Variants in WAC observed in about 807,000 individuals in gnomAD.
WAC encodes the protein WW domain containing adaptor with coiled-coil.
Under a neutral mutation model 79.6 loss-of-function variants are expected in WAC, and 11 were observed. That is an observed-to-expected ratio of 0.14 (90% confidence interval 0.09 to 0.23). The LOEUF (loss-of-function observed/expected upper bound fraction) is 0.23, where lower values mean the gene tolerates loss of function less well. Among genes scored for constraint, WAC ranks in the 10% least tolerant of loss-of-function variants. The probability of loss-of-function intolerance (pLI) is 1.00; values close to 1 mark genes in which losing one functional copy is unlikely to be tolerated. For missense variants in WAC, 728 were observed against 773.5 expected, an observed-to-expected ratio of 0.94 and a Z score of 0.70; for synonymous variants, 304 against 276.9, an observed-to-expected ratio of 1.10 and a Z score of -0.97.
chr10:28,617,351 G>C (rs1389136425), intron 12 of WAC, among the ~76,000 whole-genome samples: 2 of 152,108 alleles, frequency 1.3e-5, no homozygotes, highest in African/African-American at 4.8e-5. Flanking sequence ...CAATCTCTTT[G>C]GCTGACCCAG....
chr10:28,551,737 G>A (rs1837679196), intron 3 of WAC, among the ~76,000 whole-genome samples: 1 of 149,092 alleles, frequency 6.7e-6, no homozygotes, highest in African/African-American at 2.5e-5. Context: ...AATGTTTTGA[G>A]AATTGATGTC....
At chr10:28,575,348 TTTG>T (rs1839187673) in intron 3 of WAC, among the ~76,000 whole-genome samples, 1 of 152,214 alleles carries the variant, frequency 6.6e-6, no homozygotes, top group Non-Finnish European at 1.5e-5. Context: ...ATGATGTGCT[TTTG>T]TTCTTTTTTA....
chr10:28,576,922 G>GT (rs1297763933), intron 3 of WAC, among the ~76,000 whole-genome samples: 12 of 151,778 alleles, frequency 7.9e-5, no homozygotes, highest in Non-Finnish European at 1.8e-4. Context: ...TTTTGCATTT[G>GT]TTTTTTTACC....
intron 3 of WAC, among the ~76,000 whole-genome samples, chr10:28,577,081 A>G (rs936516823): frequency 4.6e-5 from 7 of 152,146 alleles, no homozygotes; most frequent in Non-Finnish European, 1.0e-4. Flanking sequence ...CCAGCTGTCA[A>G]ATTGTTGATA....
rs1405327992 is a variant in WAC, at chr10:28,620,421, CATTG to C, written c.*820_*823del. Reference sequence around the variant, plus strand: ...TGGACAGGCATGTGTGCTCAAAGTACATTGATTGCTCAAATATAAGGAAATGGCC... The same window carrying C: ...TGGACAGGCATGTGTGCTCAAAGTACATTGCTCAAATATAAGGAAATGGCC... On this transcript the variant is annotated 3_prime_UTR_variant, in exon 14 of 14. Coordinates refer to ENST00000354911, the MANE Select transcript of WAC (RefSeq NM_016628.5). 1 of 152,604 alleles carries C rather than the reference CATTG, an allele frequency of 6.6e-6. No individual in the cohort carries two copies. Among genetic ancestry groups the C allele is most frequent in the African/African-American group, 2.4e-5 (1 of 41,424 alleles). 9.5% of individuals were successfully genotyped at this position (152,604 alleles called of 1,614,324 possible). A position where few individuals can be genotyped will look rare whatever the true frequency, so the allele number is the denominator to read the frequency against.
intron 4 of WAC, among the ~76,000 whole-genome samples, chr10:28,585,809 A>G (rs902575840): frequency 1.3e-5 from 2 of 152,168 alleles, no homozygotes; most frequent in African/African-American, 2.4e-5. Context: ...CACAAATGCA[A>G]ACAAAACAAA....
rs564943044 is a variant in WAC at position 28,607,891 on chromosome 10, TAGAC to T, written c.920-291_920-288del. ...ATTATCTTTGAGATAGCATTGGTGG[TAGAC>T]AGATTGGTACTTTTCAAATCAGATA... On this transcript the variant is annotated intron_variant, in intron 7 of 13. Coordinates refer to ENST00000354911, the MANE Select transcript of WAC (RefSeq NM_016628.5). Among the ~76,000 whole-genome samples the T allele has an allele frequency of 5.3e-5, 8 of 152,368 alleles. No homozygotes were observed. In the East Asian group the frequency reaches 1.3e-3, roughly 26 times the overall value.
At chr10:28,555,942 A>G (rs1837954068) in intron 3 of WAC, among the ~76,000 whole-genome samples, 1 of 152,176 alleles carries the variant, frequency 6.6e-6, no homozygotes. Flanking sequence ...CAGTTATAGC[A>G]ACAGAAAACT....
chr10:28,569,022 A>C (rs1251450481), intron 3 of WAC, among the ~76,000 whole-genome samples: 2 of 152,234 alleles, frequency 1.3e-5, no homozygotes, highest in African/African-American at 4.8e-5. Flanking sequence ...GCTGTTAAAA[A>C]TGATGGTGTA....
At chr10:28,577,779 A>G (rs17389386) in intron 3 of WAC, among the ~76,000 whole-genome samples, 6,768 of 152,230 alleles carry the variant, frequency 0.044, 198 homozygotes, top group Non-Finnish European at 0.067. Context: ...AGTGTCCTCT[A>G]CCATTTGACT....
Position 28,619,518 on chromosome 10 carries a change from G to A in WAC, c.1875-19G>A, listed in dbSNP as rs1386219369. 3 of 1,555,454 alleles carry A rather than the reference G, an allele frequency of 1.9e-6. No homozygotes were observed. The highest frequency in any genetic ancestry group is 2.3e-5 in the East Asian group (1 of 42,656). On this transcript the variant is annotated intron_variant, in intron 13 of 13. Coordinates refer to ENST00000354911, the MANE Select transcript of WAC (RefSeq NM_016628.5). ...TTTGTATATGTACACAGGTTCTAAT[G>A]TCTGCTTTTTTTTTTCAGGATACTA...
rs144010781 is a variant in WAC at position 28,551,724 on chromosome 10, G to A, written c.274+15967G>A. ...GATCTGAAATTGTTTTTCAGAAACA[G>A]TTAATGTTTTGAGAATTGATGTCAT... is the stretch of plus-strand genomic sequence containing the variant. On this transcript the variant is annotated intron_variant, in intron 3 of 13. Coordinates refer to ENST00000354911, the MANE Select transcript of WAC (RefSeq NM_016628.5). Among the ~76,000 whole-genome samples, 290 of 149,828 alleles carry A rather than the reference G, an allele frequency of 1.9e-3. 2 individuals carry two copies. The highest frequency in any genetic ancestry group is 6.7e-3 in the African/African-American group (274 of 40,688).
chr10:28,612,382 T>C (rs1200952318), intron 10 of WAC, among the ~76,000 whole-genome samples: 1 of 152,220 alleles, frequency 6.6e-6, no homozygotes, highest in Non-Finnish European at 1.5e-5. Flanking sequence ...AACTCTCAGT[T>C]AAGTTTTTGT....
intron 12 of WAC, among the ~76,000 whole-genome samples, chr10:28,617,021 T>C (rs1841497479): frequency 1.3e-5 from 2 of 152,072 alleles, no homozygotes; most frequent in Non-Finnish European, 1.5e-5. Context: ...AGGCAGAAGT[T>C]GCAGTGAGCC....
intron 5 of WAC, among the ~76,000 whole-genome samples, chr10:28,590,261 A>G (rs563773482): frequency 1.8e-4 from 27 of 148,132 alleles, no homozygotes; most frequent in Admixed American, 5.5e-4. Context: ...GCAGTGAGCC[A>G]TCATGGTGCC....
upstream of WAC, chr10:28,532,823 G>A (rs559202206): frequency 6.5e-6 from 1 of 153,106 alleles, no homozygotes; most frequent in Admixed American, 6.5e-5. Context: ...TCTTCCGGAA[G>A]GCGGCTCCCT....
intron 3 of WAC, among the ~76,000 whole-genome samples, chr10:28,559,136 A>ATTTGTGTGTGTGTG (rs1554780979): frequency 3.4e-5 from 5 of 146,762 alleles, no homozygotes; most frequent in African/African-American, 1.0e-4. Flanking sequence ...GAGAAACCTG[A>ATTTGTGTGTGTGTG]TGTGTGTGTG....
chr10:28,547,258 G>C (rs560770580), intron 3 of WAC, among the ~76,000 whole-genome samples: 1 of 152,282 alleles, frequency 6.6e-6, no homozygotes, highest in Admixed American at 6.5e-5. Flanking sequence ...CTTTTGGCCA[G>C]GTGCGGTGGC....
At chr10:28,545,001 A>G (rs1454046984) in intron 3 of WAC, among the ~76,000 whole-genome samples, 1 of 148,236 alleles carries the variant, frequency 6.7e-6, no homozygotes, top group African/African-American at 2.5e-5. Flanking sequence ...GGATTGCACC[A>G]CTGCACTCCA....
Sources: gnomAD v4.1 joint callset for allele counts (sites outside exome capture counted in the v4.1 genomes callset) on GRCh38, gnomAD v4.1.1 for gene constraint, MANE v1.5 for transcripts, NCBI Gene and HGNC (gene_info 2026-07-23, HGNC 2026-07-21) for gene names.